MUC4: variants seen among roughly 807,000 people sequenced by gnomAD.
MUC4 encodes mucin 4, cell surface associated.
In MUC4, 202 loss-of-function variants were observed where a neutral mutation model predicts 257.9. The observed-to-expected ratio is 0.78, with a 90% CI of 0.70 to 0.88. The LOEUF (loss-of-function observed/expected upper bound fraction) is 0.88, where lower values mean the gene tolerates loss of function less well. Among genes scored for constraint, MUC4 ranks in the 40% least tolerant of loss-of-function variants. The pLI is 0.00. For missense variants in MUC4, 5,976 were observed against 6,513.7 expected (o/e 0.92, Z 2.84); for synonymous variants, 2,351 against 2,757.1 (o/e 0.85, Z 4.62).
intron 1 of MUC4, among the ~76,000 whole-genome samples, chr3:195,805,304 A>G (rs1435929336): frequency 6.6e-6 from 1 of 151,678 alleles, no homozygotes; most frequent in Non-Finnish European, 1.5e-5. Context: ...GCACCCAGCC[A>G]CTCTGGTGAT....
intron 23 of MUC4, among the ~76,000 whole-genome samples, chr3:195,749,410 G>A (rs1353238404): frequency 6.6e-6 from 1 of 152,184 alleles, no homozygotes; most frequent in African/African-American, 2.4e-5. Flanking sequence ...GCCAGACTTG[G>A]GTGGAAACTG....
Position 195,771,722 on chromosome 3 carries a change from G to A in MUC4, c.13172C>T (p.Pro4391Leu), listed in dbSNP as rs748405556. 4 of 1,613,866 alleles carry A rather than the reference G, an allele frequency of 2.5e-6. No homozygotes were observed. In the South Asian group the frequency reaches 4.4e-5, roughly 18 times the overall value. The change falls in exon 5 of 25, where the codon CCT becomes CTT. Residue 4391 changes from proline (P) to leucine (L), a missense_variant. By Grantham distance (98) the Pro-to-Leu change is moderately conservative. Coordinates refer to ENST00000463781, the MANE Select transcript of MUC4 (RefSeq NM_018406.7). ...CCAGAACGGAGCCACCAGGGCCACA[G>A]GGTCCCGGCCTGTGAAGCCTGTTGG... ...PLPTGFTGRD[P>L]VALVAPFWDD...
intron 1 of MUC4, among the ~76,000 whole-genome samples, chr3:195,800,512 G>A (rs557864048): frequency 6.6e-6 from 1 of 152,242 alleles, no homozygotes; most frequent in African/African-American, 2.4e-5. Flanking sequence ...ATTAGCATTC[G>A]TTACGACAAA....
intron 1 of MUC4, chr3:195,809,852 C>A (rs888747632): frequency 2.0e-5 from 3 of 152,368 alleles, no homozygotes; most frequent in Non-Finnish European, 4.4e-5. Context: ...GCTTTTTACA[C>A]AGGGGACCGG....
intron 20 of MUC4, 136 bp from the exon 21 acceptor site, chr3:195,752,582 C>G (rs1051575213): frequency 1.4e-6 from 1 of 705,814 alleles, no homozygotes; most frequent in African/African-American, 1.8e-5. Flanking sequence ...AGAAGTGGCC[C>G]TCACCCTACA....
intron 16 of MUC4, among the ~76,000 whole-genome samples, chr3:195,760,572 G>A (rs544932615): frequency 1.7e-5 from 2 of 118,742 alleles, no homozygotes; most frequent in African/African-American, 5.7e-5. Context: ...GAGTGGAGGG[G>A]GCTGGGAAGG....
At chr3:195,801,570 C>T (rs886856237) in intron 1 of MUC4, among the ~76,000 whole-genome samples, 11 of 152,146 alleles carry the variant, frequency 7.2e-5, no homozygotes, top group Non-Finnish European at 1.6e-4. Context: ...ACAAGTCTGT[C>T]ATCCGTCTGT....
At chr3:195,802,714 G>A (rs1284678776) in intron 1 of MUC4, among the ~76,000 whole-genome samples, 3 of 152,212 alleles carry the variant, frequency 2.0e-5, no homozygotes, top group African/African-American at 7.2e-5. Context: ...ACTGAGGAAA[G>A]ATACTTCCAG....
chr3:195,778,687 C>G, intron 2 of MUC4, 103 bp downstream of exon 2: 1 of 1,381,420 alleles, frequency 7.2e-7, no homozygotes, highest in Non-Finnish European at 9.8e-7. Context: ...TGACACGGCC[C>G]CACCAGGTAA....
rs571372400 is a variant in MUC4 at position 195,760,906 on chromosome 3, G to A, written c.14826C>T (p.Tyr4942=). Residue 4942 remains tyrosine (Y), a synonymous_variant, in exon 16 of 25, where the codon TAC becomes TAT. Transcript: ENST00000463781. ...GLHTREVSKN[Y]EQANATLNQY... is the part of the protein sequence containing the mutation. Reference sequence around the variant, plus strand: ...TACTGAGGGTGGCGTTCGCCTGCTCGTAGTTTTTACTGACTTCCCTCGTGT... The same window carrying A: ...TACTGAGGGTGGCGTTCGCCTGCTCATAGTTTTTACTGACTTCCCTCGTGT... 37 of 1,614,182 alleles carry A rather than the reference G, an allele frequency of 2.3e-5. No homozygotes were observed. The highest frequency in any genetic ancestry group is 1.7e-4 in the Middle Eastern group (1 of 6,028).
At position 195,765,011 on chromosome 3, in the gene MUC4, C is replaced by T. The variant is rs775074733; in HGVS notation, c.13910G>A (p.Arg4637His). ...GACTCACGCACCCAACTGCCAAGGACGCTGCACGTGCCAGCCTTCACGAAA... is the reference window on the plus strand; with the variant it reads ...GACTCACGCACCCAACTGCCAAGGATGCTGCACGTGCCAGCCTTCACGAAA... ...GEFREGWHVQRPWQLAQELEP... is the reference protein window; with the variant it reads ...GEFREGWHVQHPWQLAQELEP... The change falls in exon 10 of 25, where the codon CGT becomes CAT. Residue 4637 changes from arginine (R) to histidine (H), a missense_variant. Physicochemically the swap from Arg to His is conservative, Grantham distance 29. Transcript: ENST00000463781. 13 of 1,613,756 alleles carry T rather than the reference C, an allele frequency of 8.1e-6. No homozygotes were observed. Among genetic ancestry groups the T allele is most frequent in the Admixed American group, 1.7e-5 (1 of 59,996 alleles).
At chr3:195,752,643 C>G (rs378584) in intron 20 of MUC4, 197 bp from the exon 21 acceptor site, 5 of 612,762 alleles carry the variant, frequency 8.2e-6, no homozygotes, top group East Asian at 2.8e-5. Flanking sequence ...TGGCCCTCAC[C>G]CTACATTCCA....
intron 1 of MUC4, among the ~76,000 whole-genome samples, chr3:195,811,163 ATTTATTTAT>A (rs1437667633): frequency 2.8e-5 from 4 of 143,578 alleles, no homozygotes; most frequent in African/African-American, 1.0e-4. Context: ...TTATTTATTT[ATTTATTTAT>A]TTATTTATTT....
rs151031472 is a variant in MUC4, at chr3:195,811,245, C to T, written c.82+491G>A. ...CTGGAGTGCAGTGGCGCGATCTTGG[C>T]TCACTGCAACCTCCACCTCCCAGGT... is the stretch of plus-strand genomic sequence containing the variant. On this transcript the variant is annotated intron_variant, in intron 1 of 24. Transcript: ENST00000463781. Among the ~76,000 whole-genome samples the T allele has an allele frequency of 3.4e-3, 522 of 151,756 alleles. 6 individuals carry two copies. Among genetic ancestry groups the T allele is most frequent in the Non-Finnish European group, 3.2e-3 (217 of 67,964 alleles).
At position 195,770,245 on chromosome 3, in the gene MUC4, G is replaced by A. The variant is rs1722507655; in HGVS notation, c.13369C>T (p.His4457Tyr). ...AGGGTCCACTGGGCAGGATAGGCGT[G>A]GGCATTGACCCACGTGACCTTTAGG... ...WALKVTWVNA[H>Y]AYPAQWTLGS... Residue 4457 changes from histidine (H) to tyrosine (Y), a missense_variant, in exon 6 of 25, where the codon CAC becomes TAC. Physicochemically the swap from His to Tyr is moderately conservative, Grantham distance 83. This residue lies in a region of MUC4 where 996 missense variants were observed against 1,137.3 expected (regional missense o/e 0.88). Coordinates refer to ENST00000463781, the MANE Select transcript of MUC4 (RefSeq NM_018406.7). 1 of 1,613,262 alleles carries A rather than the reference G, an allele frequency of 6.2e-7. No homozygotes were observed. Among genetic ancestry groups the A allele is most frequent in the Non-Finnish European group, 8.5e-7 (1 of 1,179,654 alleles).
chr3:195,750,718 T>C, intron 23 of MUC4, 171 bp downstream of exon 23: 2 of 665,102 alleles, frequency 3.0e-6, no homozygotes, highest in Non-Finnish European at 2.6e-6. Context: ...TCAGCAGTGC[T>C]GGCTGCTCCT....
chr3:195,772,815 TA>T, intron 4 of MUC4, among the ~76,000 whole-genome samples: 1 of 121,792 alleles, frequency 8.2e-6, no homozygotes, highest in Non-Finnish European at 1.7e-5. Context: ...CTCAGGGGTG[TA>T]GACACCCTCT....
chr3:195,780,975 C>CTGGTGAGAGGAAGAGGG lies in MUC4; in HGVS notation c.10604_10605insCCCTCTTCCTCTCACCA (p.Val3539LeufsTer726). On this transcript the variant is annotated frameshift_variant, in exon 2 of 25. Transcript: ENST00000463781. LOFTEE classifies it high-confidence loss of function. ...AGGAAAGGCTGGTGACAGGAAGAGG[C>CTGGTGAGAGGAAGAGGG]GTGGCGTGACCGGTGGATACTGAGG... 1 of 380,350 alleles carries CTGGTGAGAGGAAGAGGG rather than the reference C, an allele frequency of 2.6e-6. No homozygotes were observed. Among genetic ancestry groups the CTGGTGAGAGGAAGAGGG allele is most frequent in the African/African-American group, 4.4e-5 (1 of 22,642 alleles). 23.6% of individuals were successfully genotyped at this position (380,350 alleles called of 1,614,324 possible). A position where few individuals can be genotyped will look rare whatever the true frequency, so the allele number is the denominator to read the frequency against.
At chr3:195,769,174 C>T in intron 6 of MUC4, 22 bp from the exon 7 acceptor site, 1 of 1,613,384 alleles carries the variant, frequency 6.2e-7, no homozygotes, top group Non-Finnish European at 8.5e-7. Flanking sequence ...TGGAAGAAAA[C>T]ACAGGGATGC....
Sources: gnomAD v4.1 joint callset for allele counts (sites outside exome capture counted in the v4.1 genomes callset) on GRCh38, gnomAD v4.1.1 for gene constraint, gnomAD v4.1.1 regional missense constraint, MANE v1.5 for transcripts, NCBI Gene and HGNC (gene_info 2026-07-23, HGNC 2026-07-21) for gene names.